C2orf92: variants seen among roughly 807,000 people sequenced by gnomAD.
C2orf92 encodes uncharacterized protein C2orf92.
At chr2:97,679,451 T>C (rs1675688684) in intron 3 of C2orf92, among the ~76,000 whole-genome samples, 1 of 152,208 alleles carries the variant, frequency 6.6e-6, no homozygotes, top group African/African-American at 2.4e-5. Flanking sequence ...AAATTTAAGA[T>C]ACTAGGTGTT....
chr2:97,680,071 G>T (rs760737382), intron 3 of C2orf92, among the ~76,000 whole-genome samples: 1 of 152,078 alleles, frequency 6.6e-6, no homozygotes, highest in South Asian at 2.1e-4. Flanking sequence ...AAGCCAAGGT[G>T]GGCAGATCAC....
At chr2:97,669,528 A>ATGGAG, upstream of C2orf92, 1 of 352,660 alleles carries the variant, frequency 2.8e-6, no homozygotes, top group Non-Finnish European at 5.1e-6. Context: ...TGCCCTCAGG[A>ATGGAG]CATGCAGGAT....
chr2:97,685,181 G>A (rs1318157416), intron 3 of C2orf92, among the ~76,000 whole-genome samples: 5 of 151,566 alleles, frequency 3.3e-5, no homozygotes, highest in Non-Finnish European at 7.4e-5. Flanking sequence ...CATCCACCTC[G>A]GCCTCCCAAA....
At chr2:97,668,051 G>A (rs1348008454), upstream of C2orf92, 2 of 152,210 alleles carry the variant, frequency 1.3e-5, no homozygotes, top group African/African-American at 4.8e-5. Context: ...GCCAGCAGCA[G>A]AAGCAAAAGA....
At position 97,675,897 on chromosome 2, in the gene C2orf92, T is replaced by C; in HGVS notation, c.201T>C (p.Asn67=). 5.0e-6 allele frequency: 2 copies of C among 399,114 alleles called. No homozygotes were observed. Among genetic ancestry groups the C allele is most frequent in the Non-Finnish European group, 8.8e-6 (2 of 226,078 alleles). The allele number at this position is 399,114 out of a possible 1,614,324, so 24.7% of individuals were successfully genotyped here. ...ATGCTGCATTTGCATCAGGTTCAAA[T>C]GAGCGAGAGGAACATTTGGCTAAAA... The part of the protein sequence containing the change: ...LNNAAFASGS[N]EREEHLAKIF... The change falls in exon 3 of 8, where the codon AAT becomes AAC. Residue 67 remains asparagine, a synonymous_variant. Transcript: ENST00000627399.
chr2:97,701,263 G>T lies in C2orf92; in HGVS notation c.624G>T (p.Leu208Phe). 2 of 399,108 alleles carry T rather than the reference G, an allele frequency of 5.0e-6. No homozygotes were observed. The highest frequency in any genetic ancestry group is 8.8e-5 in the Admixed American group (2 of 22,742). 24.7% of individuals were successfully genotyped at this position (399,108 alleles called of 1,614,324 possible). The change falls in exon 7 of 8, where the codon TTG becomes TTT. Residue 208 changes from leucine to phenylalanine, a missense_variant. Coordinates refer to ENST00000627399, the MANE Select transcript of C2orf92 (RefSeq NM_001351368.2). ...GVAILMAIVL[L>F]LLGLASYIRK... ...CCATCCTCATGGCCATCGTGCTGTT[G>T]CTGCTTGGGTTGGCCTCATACATCA... is the stretch of plus-strand genomic sequence containing the variant.
At chr2:97,667,708 A>G (rs965012432), upstream of C2orf92, among the ~76,000 whole-genome samples, 2 of 152,150 alleles carry the variant, frequency 1.3e-5, no homozygotes, top group Non-Finnish European at 2.9e-5. Context: ...CTGGGATTAC[A>G]GGTGTGAGCC....
chr2:97,689,372 C>T (rs750100299), intron 4 of C2orf92, among the ~76,000 whole-genome samples: 1 of 152,154 alleles, frequency 6.6e-6, no homozygotes, highest in Non-Finnish European at 1.5e-5. Flanking sequence ...AAGTGCACAA[C>T]GTGGTTTGAG....
intron 1 of C2orf92, chr2:97,672,538 G>C (rs1675449199): frequency 6.6e-6 from 1 of 151,952 alleles, no homozygotes. Flanking sequence ...GGTGACCCCA[G>C]TGTCTCTGAA....
intron 3 of C2orf92, among the ~76,000 whole-genome samples, chr2:97,680,903 G>C (rs1040455390): frequency 3.3e-5 from 5 of 151,996 alleles, no homozygotes; most frequent in Admixed American, 6.5e-5. Flanking sequence ...TCCAGCCTGG[G>C]AGACAGAGCG....
At chr2:97,687,191 C>G (rs1675991555) in intron 3 of C2orf92, among the ~76,000 whole-genome samples, 1 of 151,934 alleles carries the variant, frequency 6.6e-6, no homozygotes, top group Admixed American at 6.6e-5. Flanking sequence ...ATAGCAAGAC[C>G]CTGTTTCTAT....
At position 97,684,854 on chromosome 2, in the gene C2orf92, G is replaced by A. The variant is rs374806039; in HGVS notation, c.233-4041G>A. On this transcript the variant is annotated intron_variant, in intron 3 of 7. Coordinates refer to ENST00000627399, the MANE Select transcript of C2orf92 (RefSeq NM_001351368.2). ...CAAATGGCCAATAAACACATAAAAA[G>A]ATGCTCAACATCATTAGTCATTAGG... Among the ~76,000 whole-genome samples the A allele has an allele frequency of 7.9e-5, 12 of 152,274 alleles. 3 individuals carry two copies. The highest frequency in any genetic ancestry group is 1.5e-5 in the Non-Finnish European group (1 of 68,012).
intron 1 of C2orf92, chr2:97,671,215 G>T (rs2104532241): frequency 2.9e-6 from 1 of 344,754 alleles, no homozygotes; most frequent in Non-Finnish European, 5.2e-6. Flanking sequence ...CATCATGTTG[G>T]CCAGGCTGGT....
chr2:97,673,329 G>A (rs1036981228), intron 1 of C2orf92, among the ~76,000 whole-genome samples: 7 of 152,150 alleles, frequency 4.6e-5, no homozygotes, highest in Admixed American at 4.6e-4. Flanking sequence ...TGTGATCTTG[G>A]TGTGGGCTAT....
chr2:97,684,160 C>T (rs887977758), intron 3 of C2orf92, among the ~76,000 whole-genome samples: 10 of 151,988 alleles, frequency 6.6e-5, no homozygotes, highest in Non-Finnish European at 1.5e-4. Context: ...CTCAGCCTCC[C>T]GAGTAGCTGG....
At chr2:97,683,076 C>A (rs868543292) in intron 3 of C2orf92, among the ~76,000 whole-genome samples, 5 of 143,166 alleles carry the variant, frequency 3.5e-5, no homozygotes, top group East Asian at 4.1e-4. Flanking sequence ...CATATAGACT[C>A]CACACACACA....
At chr2:97,682,667 C>T (rs542485670) in intron 3 of C2orf92, among the ~76,000 whole-genome samples, 148 of 148,300 alleles carry the variant, frequency 1.0e-3, no homozygotes, top group African/African-American at 3.7e-3. Flanking sequence ...TAATAAAAAT[C>T]AATCACTGTA....
At position 97,702,747 on chromosome 2, in the gene C2orf92, T is replaced by C; in HGVS notation, c.744T>C (p.Asn248=). The C allele has an allele frequency of 2.5e-6, 1 of 398,814 alleles. No individual in the cohort carries two copies. The highest frequency in any genetic ancestry group is 4.4e-6 in the Non-Finnish European group (1 of 226,034). 24.7% of individuals were successfully genotyped at this position (398,814 alleles called of 1,614,324 possible). A position where few individuals can be genotyped will look rare whatever the true frequency, so the allele number is the denominator to read the frequency against. ...GGTGGCACAATTCTGAAGAAAAAAA[T>C]TTCACAAAACTTGCAAAAAAACAGA... ...KTWWHNSEEK[N]FTKLAKKQKQ... Residue 248 remains asparagine (N), a synonymous_variant, in exon 8 of 8, where the codon AAT becomes AAC. Transcript: ENST00000627399.
chr2:97,684,891 T>C (rs955422875), intron 3 of C2orf92, among the ~76,000 whole-genome samples: 2 of 152,138 alleles, frequency 1.3e-5, no homozygotes, highest in African/African-American at 4.8e-5. Context: ...AAATGCAAAA[T>C]ATCACTATTC....
Sources: gnomAD v4.1 joint callset for allele counts (sites outside exome capture counted in the v4.1 genomes callset) on GRCh38, gnomAD v4.1.1 for gene constraint, MANE v1.5 for transcripts, NCBI Gene and HGNC (gene_info 2026-07-23, HGNC 2026-07-21) for gene names.